The following NAALADL2 variants were observed in gnomAD, a reference collection of about 807,000 sequenced individuals.
NAALADL2 encodes the protein inactive N-acetylated-alpha-linked acidic dipeptidase-like protein 2.
NAALADL2 carries 76 observed loss-of-function variants against 87.2 expected under a neutral mutation model. The ratio of observed to expected loss-of-function variants is 0.87; its 90% CI spans 0.72 to 1.05. The LOEUF (loss-of-function observed/expected upper bound fraction) is 1.05, where lower values mean the gene tolerates loss of function less well. NAALADL2 is among the 50% of genes least tolerant of loss of function. The probability of loss-of-function intolerance (pLI) is 0.00; values close to 1 mark genes in which losing one functional copy is unlikely to be tolerated. For missense variants in NAALADL2, 1,089 were observed against 945.8 expected, an observed-to-expected ratio of 1.15 and a Z score of -1.99; for synonymous variants, 354 against 331.0, an observed-to-expected ratio of 1.07 and a Z score of -0.75.
At chr3:174,825,900 A>G (rs531838092) in intron 3 of NAALADL2, among the ~76,000 whole-genome samples, 66 of 152,014 alleles carry the variant, frequency 4.3e-4, no homozygotes, top group African/African-American at 1.3e-3. Flanking sequence ...GGTGGCGGGC[A>G]CCTGTAGTCC....
At chr3:175,473,900 T>C (rs570032373) in intron 9 of NAALADL2, among the ~76,000 whole-genome samples, 1 of 152,276 alleles carries the variant, frequency 6.6e-6, no homozygotes, top group South Asian at 2.1e-4. Flanking sequence ...TTTAGATTTA[T>C]TTTTCTTTGA....
chr3:174,459,887 A>G (rs1420363107), intron 1 of NAALADL2: 3 of 152,204 alleles, frequency 2.0e-5, no homozygotes, highest in Non-Finnish European at 4.4e-5. Flanking sequence ...TTGTCTTAAC[A>G]TGTTAATAGG....
rs147887671 is a variant in NAALADL2, at chr3:175,546,118, C to T, written c.1654-29923C>T. 9.9e-5 allele frequency among the ~76,000 whole-genome samples: 15 copies of T among 152,182 alleles called. No homozygotes were observed. In the East Asian group the frequency reaches 2.9e-3, roughly 29 times the overall value. Reference sequence around the variant, plus strand: ...TGCTGAGGTATTAAGACAGCATGAGCATTGTGTTCACAGGATGGATAAGAA... The same window carrying T: ...TGCTGAGGTATTAAGACAGCATGAGTATTGTGTTCACAGGATGGATAAGAA... On this transcript the variant is annotated intron_variant, in intron 9 of 13. Coordinates refer to ENST00000454872, the MANE Select transcript of NAALADL2 (RefSeq NM_207015.3).
chr3:175,286,707 T>C (rs1353044079), intron 4 of NAALADL2, among the ~76,000 whole-genome samples: 1 of 152,164 alleles, frequency 6.6e-6, no homozygotes, highest in Non-Finnish European at 1.5e-5. Flanking sequence ...ATAATGCCAG[T>C]CTTCTTATTT....
At chr3:174,622,691 G>A (rs1721127255) in intron 2 of NAALADL2, among the ~76,000 whole-genome samples, 1 of 152,114 alleles carries the variant, frequency 6.6e-6, no homozygotes, top group South Asian at 2.1e-4. Flanking sequence ...AAGAGAAAAT[G>A]CATTTACAGT....
intron 1 of NAALADL2, among the ~76,000 whole-genome samples, chr3:174,991,820 T>G (rs1344827612): frequency 6.6e-6 from 1 of 152,134 alleles, no homozygotes; most frequent in Non-Finnish European, 1.5e-5. Flanking sequence ...GTTAACATTA[T>G]TGTCTGTGTT....
At chr3:175,508,353 A>T (rs1400439110) in intron 9 of NAALADL2, among the ~76,000 whole-genome samples, 1 of 151,978 alleles carries the variant, frequency 6.6e-6, no homozygotes, top group East Asian at 1.9e-4. Flanking sequence ...TACCATCAAC[A>T]CCCCAGGTCA....
At chr3:175,693,722 C>G (rs112784131) in intron 11 of NAALADL2, among the ~76,000 whole-genome samples, 16 of 152,194 alleles carry the variant, frequency 1.1e-4, no homozygotes, top group African/African-American at 3.9e-4. Flanking sequence ...TTCGTTTTGA[C>G]AGAGTCTTGC....
chr3:175,013,733 C>A (rs1750459133), intron 1 of NAALADL2, among the ~76,000 whole-genome samples: 2 of 152,026 alleles, frequency 1.3e-5, no homozygotes, highest in Non-Finnish European at 2.9e-5. Context: ...TCTAGTCCAT[C>A]CAGAAGCGGC....
At position 175,159,232 on chromosome 3, in the gene NAALADL2, A is replaced by G. The variant is rs555338096; in HGVS notation, c.545+61941A>G. Among the ~76,000 whole-genome samples, 6 of 152,342 alleles carry G rather than the reference A, an allele frequency of 3.9e-5. No homozygotes were observed. The South Asian group carries it at 1.2e-3, about 32-fold the overall frequency. ...AAAAAATCAGCCAATCATATCTGCA[A>G]GATTCTCACAAAAGTGTAAACAAGA... On this transcript the variant is annotated intron_variant, in intron 2 of 13. Coordinates refer to ENST00000454872, the MANE Select transcript of NAALADL2 (RefSeq NM_207015.3).
chr3:174,847,298 T>C (rs1724733528), intron 3 of NAALADL2, among the ~76,000 whole-genome samples: 1 of 152,156 alleles, frequency 6.6e-6, no homozygotes, highest in Non-Finnish European at 1.5e-5. Flanking sequence ...CAACCTGGGA[T>C]TTCTTGGCCA....
intron 1 of NAALADL2, among the ~76,000 whole-genome samples, chr3:175,007,472 C>T (rs1420187156): frequency 6.6e-6 from 1 of 152,092 alleles, no homozygotes; most frequent in Non-Finnish European, 1.5e-5. Context: ...TATCCTAGTT[C>T]ATTTTTTGTG....
chr3:175,728,585 T>C (rs1408974611), intron 11 of NAALADL2, among the ~76,000 whole-genome samples: 1 of 152,170 alleles, frequency 6.6e-6, no homozygotes, highest in East Asian at 1.9e-4. Context: ...AGGATATTTG[T>C]TGTTAAATTG....
At chr3:175,120,387 G>A (rs1484608523) in intron 2 of NAALADL2, among the ~76,000 whole-genome samples, 1 of 151,748 alleles carries the variant, frequency 6.6e-6, no homozygotes, top group East Asian at 1.9e-4. Context: ...AGTGTTTGTA[G>A]AGGCATCTGG....
At chr3:175,428,779 T>C (rs1273744995) in intron 5 of NAALADL2, among the ~76,000 whole-genome samples, 1 of 152,104 alleles carries the variant, frequency 6.6e-6, no homozygotes, top group Non-Finnish European at 1.5e-5. Flanking sequence ...CATTCTCTGA[T>C]ATATCATAAA....
At chr3:175,571,788 C>G (rs1331898791) in intron 9 of NAALADL2, among the ~76,000 whole-genome samples, 4 of 152,218 alleles carry the variant, frequency 2.6e-5, no homozygotes, top group South Asian at 4.1e-4. Flanking sequence ...ATAAAATGAC[C>G]TTGGGAAAAA....
At chr3:175,390,491 C>T (rs1768942217) in intron 5 of NAALADL2, among the ~76,000 whole-genome samples, 2 of 152,094 alleles carry the variant, frequency 1.3e-5, no homozygotes, top group Admixed American at 6.5e-5. Flanking sequence ...CACTAGGATG[C>T]GGCCAGATGC....
intron 1 of NAALADL2, among the ~76,000 whole-genome samples, chr3:175,054,451 T>A (rs1221953468): frequency 6.6e-6 from 1 of 152,232 alleles, no homozygotes; most frequent in South Asian, 2.1e-4. Flanking sequence ...TATAACTGAA[T>A]TGATAGCTCT....
chr3:174,545,160 G>A (rs889260887), intron 1 of NAALADL2, among the ~76,000 whole-genome samples: 3 of 152,130 alleles, frequency 2.0e-5, no homozygotes, highest in African/African-American at 7.2e-5. Flanking sequence ...TTACAGGCAC[G>A]AGCCACTGTG....
Sources: gnomAD v4.1 joint callset for allele counts (sites outside exome capture counted in the v4.1 genomes callset) on GRCh38, gnomAD v4.1.1 for gene constraint, MANE v1.5 for transcripts, NCBI Gene and HGNC (gene_info 2026-07-23, HGNC 2026-07-21) for gene names.